Variants in CNTNAP2 observed in about 807,000 individuals in gnomAD.
The protein encoded by CNTNAP2 is contactin associated protein 2.
CNTNAP2 carries 98 observed loss-of-function variants against 155.2 expected under a neutral mutation model. That is an observed-to-expected ratio of 0.63 (90% confidence interval 0.54 to 0.75). The LOEUF (loss-of-function observed/expected upper bound fraction) is 0.75. Ranked by LOEUF, CNTNAP2 falls within the 30% of genes least tolerant of loss-of-function variation. The pLI is 0.00. For synonymous variants in CNTNAP2, 651 were observed against 631.2 expected (o/e 1.03, Z -0.47); for missense variants, 1,727 against 1,688.1 (o/e 1.02, Z -0.40).
intron 1 of CNTNAP2, among the ~76,000 whole-genome samples, chr7:146,732,087 C>T (rs1801536090): frequency 6.6e-6 from 1 of 152,012 alleles, no homozygotes; most frequent in Admixed American, 6.6e-5. Flanking sequence ...CCAAGATTCA[C>T]CAATAGATTT....
At chr7:147,561,044 G>T (rs73164318) in intron 11 of CNTNAP2, among the ~76,000 whole-genome samples, 5,187 of 151,924 alleles carry the variant, frequency 0.034, 139 homozygotes, top group Non-Finnish European at 0.055. Flanking sequence ...AACTACTGAG[G>T]TTTGTGCATA....
At chr7:147,639,406 G>C in intron 13 of CNTNAP2, 100 bp downstream of exon 13, 1 of 1,075,944 alleles carries the variant, frequency 9.3e-7, no homozygotes, top group Non-Finnish European at 1.4e-6. Flanking sequence ...TTATAGTCTA[G>C]TCTTCAGTAG....
chr7:146,812,059 T>G (rs571361804), intron 2 of CNTNAP2, among the ~76,000 whole-genome samples: 1 of 152,224 alleles, frequency 6.6e-6, no homozygotes, highest in Admixed American at 6.5e-5. Flanking sequence ...AAATTGGTAC[T>G]GGGAGAATGG....
At chr7:148,036,837 A>C (rs1802581254) in intron 15 of CNTNAP2, among the ~76,000 whole-genome samples, 1 of 152,230 alleles carries the variant, frequency 6.6e-6, no homozygotes, top group African/African-American at 2.4e-5. Flanking sequence ...TTCTATAAGG[A>C]ATCTCAAAGT....
At chr7:146,539,040 T>G (rs1041064048) in intron 1 of CNTNAP2, among the ~76,000 whole-genome samples, 1 of 152,108 alleles carries the variant, frequency 6.6e-6, no homozygotes, top group Non-Finnish European at 1.5e-5. Context: ...ATAATTATTA[T>G]TCACAGATCA....
chr7:148,063,049 T>C (rs1277230592), intron 15 of CNTNAP2, among the ~76,000 whole-genome samples: 1 of 152,176 alleles, frequency 6.6e-6, no homozygotes, highest in Non-Finnish European at 1.5e-5. Context: ...GCAAAATGGA[T>C]GAATTCCATC....
At chr7:146,753,355 C>A (rs1801938664) in intron 1 of CNTNAP2, among the ~76,000 whole-genome samples, 1 of 151,206 alleles carries the variant, frequency 6.6e-6, no homozygotes, top group African/African-American at 2.4e-5. Context: ...TATGTTTTTG[C>A]AAATTCCATG....
Position 146,677,744 on chromosome 7 carries a change from C to T in CNTNAP2, c.98-96527C>T, listed in dbSNP as rs568253339. ...TCCTGAATTGTTTACTAAGAATTTA[C>T]ATAAAAATAGCTTAAGCTATTGATT... On this transcript the variant is annotated intron_variant, in intron 1 of 23. Coordinates refer to ENST00000361727, the MANE Select transcript of CNTNAP2 (RefSeq NM_014141.6). Among the ~76,000 whole-genome samples the T allele has an allele frequency of 3.3e-5, 5 of 151,510 alleles. No homozygotes were observed. The East Asian group carries it at 9.7e-4, about 30-fold the overall frequency.
intron 13 of CNTNAP2, among the ~76,000 whole-genome samples, chr7:147,715,681 CT>C (rs199703106): frequency 2.6e-5 from 4 of 151,410 alleles, no homozygotes; most frequent in East Asian, 1.9e-4. Flanking sequence ...TTACAGAATA[CT>C]TTTTTTTTAT....
chr7:147,018,077 A>G (rs1376773403), intron 3 of CNTNAP2, among the ~76,000 whole-genome samples: 1 of 152,112 alleles, frequency 6.6e-6, no homozygotes, highest in Non-Finnish European at 1.5e-5. Context: ...GCATTTCTCT[A>G]GAAAATCAGT....
At chr7:146,645,682 A>T (rs1799799662) in intron 1 of CNTNAP2, among the ~76,000 whole-genome samples, 1 of 152,088 alleles carries the variant, frequency 6.6e-6, no homozygotes, top group Admixed American at 6.6e-5. Context: ...ACCCATTGAA[A>T]CTGTGAAATT....
At chr7:148,392,165 C>T (rs973833682) in intron 22 of CNTNAP2, among the ~76,000 whole-genome samples, 10 of 152,078 alleles carry the variant, frequency 6.6e-5, no homozygotes, top group African/African-American at 1.4e-4. Flanking sequence ...CCTCCACCTC[C>T]GGGGTACAAG....
intron 11 of CNTNAP2, among the ~76,000 whole-genome samples, chr7:147,526,050 G>A (rs1216197610): frequency 1.3e-5 from 2 of 151,858 alleles, no homozygotes; most frequent in Non-Finnish European, 2.9e-5. Flanking sequence ...AAATTAGCCA[G>A]GTGTGGTGGT....
At chr7:147,203,692 A>C (rs999241552) in intron 8 of CNTNAP2, among the ~76,000 whole-genome samples, 1 of 152,200 alleles carries the variant, frequency 6.6e-6, no homozygotes, top group Non-Finnish European at 1.5e-5. Flanking sequence ...TAATATTACC[A>C]TGGGTATCAA....
At chr7:147,432,932 ATATT>A (rs544252357) in intron 10 of CNTNAP2, among the ~76,000 whole-genome samples, 27 of 152,334 alleles carry the variant, frequency 1.8e-4, no homozygotes, top group African/African-American at 6.5e-4. Flanking sequence ...GGTTATTTGA[ATATT>A]TATCACACCC....
At position 148,058,663 on chromosome 7, in the gene CNTNAP2, G is replaced by A. The variant is rs113369501; in HGVS notation, c.2384-59455G>A. Reference sequence around the variant, plus strand: ...GTGTCGCTTGACTGAGGGGACTAGGGGGCTGCAGAGGGGCTGGCAGATGTT... The same window carrying A: ...GTGTCGCTTGACTGAGGGGACTAGGAGGCTGCAGAGGGGCTGGCAGATGTT... On this transcript the variant is annotated intron_variant, in intron 15 of 23. Coordinates refer to ENST00000361727, the MANE Select transcript of CNTNAP2 (RefSeq NM_014141.6). Among the ~76,000 whole-genome samples the A allele has an allele frequency of 2.9e-3, 436 of 152,220 alleles. 2 individuals are homozygous for A. Among genetic ancestry groups the A allele is most frequent in the African/African-American group, 0.01 (420 of 41,524 alleles).
At chr7:147,689,631 C>T (rs776041513) in intron 13 of CNTNAP2, among the ~76,000 whole-genome samples, 14 of 152,080 alleles carry the variant, frequency 9.2e-5, no homozygotes, top group Non-Finnish European at 2.1e-4. Flanking sequence ...ATACTTTGTG[C>T]TAAACATTTC....
chr7:147,199,348 TAGTATTAA>T (rs1802875779), intron 8 of CNTNAP2, among the ~76,000 whole-genome samples: 1 of 152,188 alleles, frequency 6.6e-6, no homozygotes, highest in Non-Finnish European at 1.5e-5. Context: ...GAATAATTAA[TAGTATTAA>T]AATTTCACAG....
chr7:147,138,515 A>G (rs554712655), intron 8 of CNTNAP2, among the ~76,000 whole-genome samples: 25 of 152,058 alleles, frequency 1.6e-4, no homozygotes, highest in African/African-American at 6.0e-4. Flanking sequence ...ACTTTTTATT[A>G]TATATCAATT....
Sources: gnomAD v4.1 joint callset for allele counts (sites outside exome capture counted in the v4.1 genomes callset) on GRCh38, gnomAD v4.1.1 for gene constraint, MANE v1.5 for transcripts, NCBI Gene and HGNC (gene_info 2026-07-23, HGNC 2026-07-21) for gene names.